Variants in PHLDB2 observed in about 807,000 individuals in gnomAD.
The protein encoded by PHLDB2 is pleckstrin homology like domain family B member 2.
A neutral mutation model predicts 123.6 loss-of-function variants in PHLDB2; 71 were observed. The observed-to-expected ratio is 0.57, with a 90% CI of 0.47 to 0.70. The LOEUF (loss-of-function observed/expected upper bound fraction) is 0.70, where lower values mean the gene tolerates loss of function less well. Ranked by LOEUF, PHLDB2 falls within the 30% of genes least tolerant of loss-of-function variation. PHLDB2 has a pLI of 0.00. For missense variants in PHLDB2, 1,446 were observed against 1,519.5 expected (o/e 0.95, Z 0.80); for synonymous variants, 547 against 541.6 (o/e 1.01, Z -0.14).
At chr3:111,953,832 A>G in intron 11 of PHLDB2, 98 bp from the exon 12 acceptor site, 1 of 903,778 alleles carries the variant, frequency 1.1e-6, no homozygotes, top group Non-Finnish European at 1.7e-6. Flanking sequence ...TCTGCCCTGT[A>G]CACTTAGATA....
intron 1 of PHLDB2, among the ~76,000 whole-genome samples, chr3:111,737,675 A>G (rs1177033563): frequency 2.1e-5 from 3 of 143,086 alleles, no homozygotes; most frequent in Non-Finnish European, 3.0e-5. Context: ...CACTGAGGTA[A>G]CCCCCACAAA....
chr3:111,841,657 T>C (rs954363406), intron 1 of PHLDB2, among the ~76,000 whole-genome samples: 2 of 152,194 alleles, frequency 1.3e-5, no homozygotes, highest in Non-Finnish European at 2.9e-5. Context: ...CATCAGGAAA[T>C]CACTCTGTAC....
chr3:111,898,780 A>G (rs1049892791), intron 2 of PHLDB2, among the ~76,000 whole-genome samples: 4 of 152,212 alleles, frequency 2.6e-5, no homozygotes, highest in African/African-American at 9.6e-5. Flanking sequence ...ATTCCTCATC[A>G]GTTCAAGTTT....
chr3:111,974,669 G>C lies in PHLDB2; in HGVS notation c.*106G>C. The stretch of plus-strand genomic sequence containing the variant: ...AAAACCCAACAGATCCATCCCTTGA[G>C]CTGTAAACACTCAGAACTCCTTTCA... On this transcript the variant is annotated 3_prime_UTR_variant, in exon 18 of 18. Coordinates refer to ENST00000431670, the MANE Select transcript of PHLDB2 (RefSeq NM_001134438.2). 8.5e-7 allele frequency: 1 copy of C among 1,170,536 alleles called. No individual in the cohort carries two copies. The highest frequency in any genetic ancestry group is 1.1e-6 in the Non-Finnish European group (1 of 884,960). 72.5% of individuals were successfully genotyped at this position (1,170,536 alleles called of 1,614,324 possible). A position where few individuals can be genotyped will look rare whatever the true frequency, so the allele number is the denominator to read the frequency against.
At position 111,923,991 on chromosome 3, in the gene PHLDB2, C is replaced by G. The variant is rs536597388; in HGVS notation, c.2001+3572C>G. On this transcript the variant is annotated intron_variant, in intron 5 of 17. Transcript: ENST00000431670. The stretch of plus-strand genomic sequence containing the variant: ...CCAAATTCCGTAGTGTGATCTGTCA[C>G]CAGCCTTTCTGTCACCACCCTCCCA... Among the ~76,000 whole-genome samples, 7 of 152,254 alleles carry G rather than the reference C, an allele frequency of 4.6e-5. No homozygotes were observed. In the South Asian group the frequency reaches 1.0e-3, roughly 23 times the overall value.
chr3:111,869,191 C>T (rs1239621065), intron 1 of PHLDB2, among the ~76,000 whole-genome samples: 1 of 152,046 alleles, frequency 6.6e-6, no homozygotes, highest in Admixed American at 6.6e-5. Context: ...AGAGCTCAGA[C>T]TTCAATACAG....
intron 1 of PHLDB2, among the ~76,000 whole-genome samples, chr3:111,736,610 T>G (rs964035834): frequency 2.2e-4 from 34 of 152,216 alleles, no homozygotes; most frequent in Non-Finnish European, 1.0e-4. Flanking sequence ...ATGGTAGGAA[T>G]GGGGCCTACA....
intron 12 of PHLDB2, among the ~76,000 whole-genome samples, chr3:111,954,353 A>C (rs550187172): frequency 1.3e-5 from 2 of 152,324 alleles, no homozygotes; most frequent in Admixed American, 6.5e-5. Context: ...TTACCAGGGC[A>C]CTTAACCAAG....
chr3:111,741,541 CTG>C (rs933150583), intron 1 of PHLDB2, among the ~76,000 whole-genome samples: 9 of 151,190 alleles, frequency 6.0e-5, no homozygotes, highest in Admixed American at 1.3e-4. Flanking sequence ...GTGCATGTCT[CTG>C]TGTGTGTGTG....
chr3:111,884,420 A>T lies in PHLDB2; in HGVS notation c.343A>T (p.Thr115Ser). The T allele has an allele frequency of 6.2e-7, 1 of 1,614,152 alleles. No homozygotes were observed. The highest frequency in any genetic ancestry group is 8.5e-7 in the Non-Finnish European group (1 of 1,180,024). The change falls in exon 2 of 18, where the codon ACA (threonine) becomes TCA (serine). Residue 115 changes from threonine to serine, a missense_variant. Coordinates refer to ENST00000431670, the MANE Select transcript of PHLDB2 (RefSeq NM_001134438.2). ...MKPPTPLLNT[T>S]SSLSGYPLGR... ...ACCTCCAACTCCTTTACTCAACACT[A>T]CATCCTCCCTCAGTGGATATCCACT... is the stretch of plus-strand genomic sequence containing the variant.
chr3:111,939,609 A>G lies in PHLDB2; in HGVS notation c.2265A>G (p.Gln755=). 6.8e-6 allele frequency: 11 copies of G among 1,610,472 alleles called. No individual in the cohort carries two copies. The highest frequency in any genetic ancestry group is 9.3e-6 in the Non-Finnish European group (11 of 1,179,166). The change falls in exon 7 of 18, where the codon CAA becomes CAG. Residue 755 remains glutamine, a synonymous_variant. Coordinates refer to ENST00000431670, the MANE Select transcript of PHLDB2 (RefSeq NM_001134438.2). The part of the protein sequence containing the change: ...QQLLREVAEY[Q]RNIVSRKEKI... ...TCCTGCGTGAAGTTGCTGAATATCA[A>G]CGGAACATCGTTTCTAGAAAGGTAC...
intron 1 of PHLDB2, among the ~76,000 whole-genome samples, chr3:111,747,011 A>C (rs1002075564): frequency 1.3e-5 from 2 of 152,194 alleles, no homozygotes; most frequent in African/African-American, 4.8e-5. Context: ...CCAAACTATA[A>C]ATCAAGACTT....
chr3:111,800,572 T>C (rs1180116888), intron 1 of PHLDB2, among the ~76,000 whole-genome samples: 1 of 152,252 alleles, frequency 6.6e-6, no homozygotes, highest in Non-Finnish European at 1.5e-5. Flanking sequence ...CCAGTGACTT[T>C]GTTGTGGACT....
At chr3:111,859,695 C>CGGAGGGTTGGGGGCGGAGA (rs1490568236) in intron 1 of PHLDB2, 119 bp downstream of exon 1, 1 of 985,074 alleles carries the variant, frequency 1.0e-6, no homozygotes, top group East Asian at 1.1e-4. Context: ...GGTTGCGCTG[C>CGGAGGGTTGGGGGCGGAGA]GGAGGGTTGG....
chr3:111,888,017 TAACA>T (rs1447916713), intron 2 of PHLDB2, among the ~76,000 whole-genome samples: 2 of 152,120 alleles, frequency 1.3e-5, no homozygotes, highest in Admixed American at 6.5e-5. Context: ...ATGGTTAATT[TAACA>T]AACAATATCA....
chr3:111,843,384 C>G (rs2063785021), intron 1 of PHLDB2, among the ~76,000 whole-genome samples: 1 of 152,140 alleles, frequency 6.6e-6, no homozygotes, highest in African/African-American at 2.4e-5. Flanking sequence ...CTACTCAAAT[C>G]CTTTGAGTAT....
chr3:111,907,703 G>A (rs1479345369), intron 2 of PHLDB2, among the ~76,000 whole-genome samples: 1 of 152,010 alleles, frequency 6.6e-6, no homozygotes, highest in Non-Finnish European at 1.5e-5. Flanking sequence ...ACCATATTAG[G>A]CTGGTCTAAA....
At chr3:111,743,103 C>G (rs755899290) in intron 1 of PHLDB2, among the ~76,000 whole-genome samples, 6 of 152,174 alleles carry the variant, frequency 3.9e-5, no homozygotes, top group Non-Finnish European at 7.3e-5. Flanking sequence ...TTTGGATTCA[C>G]AGTCTTCCTT....
chr3:111,799,056 C>T (rs2061280682), intron 1 of PHLDB2, among the ~76,000 whole-genome samples: 1 of 152,128 alleles, frequency 6.6e-6, no homozygotes, highest in Non-Finnish European at 1.5e-5. Flanking sequence ...AAAATAAGAG[C>T]CAAGTGAAGC....
Sources: gnomAD v4.1 joint callset for allele counts (sites outside exome capture counted in the v4.1 genomes callset) on GRCh38, gnomAD v4.1.1 for gene constraint, MANE v1.5 for transcripts, NCBI Gene and HGNC (gene_info 2026-07-23, HGNC 2026-07-21) for gene names.